TXNIP: variants seen among roughly 807,000 people sequenced by gnomAD.
TXNIP encodes thioredoxin-interacting protein.
Under a neutral mutation model 43.9 loss-of-function variants are expected in TXNIP, and 23 were observed. The observed-to-expected ratio is 0.52, with a 90% CI of 0.38 to 0.74. TXNIP has a LOEUF of 0.74. Ranked by LOEUF, TXNIP falls within the 30% of genes least tolerant of loss-of-function variation. The pLI is 0.00. For missense variants in TXNIP, 555 were observed against 485.4 expected (o/e 1.14, Z -1.35); for synonymous variants, 234 against 172.2 (o/e 1.36, Z -2.81).
In TXNIP at chr1:145,996,080, A is replaced by G. The variant is rs1327811084; in HGVS notation, c.187T>C (p.Cys63Arg). 1.9e-6 allele frequency: 3 copies of G among 1,613,960 alleles called. No individual in the cohort carries two copies. The highest frequency in any genetic ancestry group is 1.3e-5 in the African/African-American group (1 of 74,872). ...CGCAGGTACTCCGAAGTCTGTTTGC[A>G]CTGCTGGGATCCCTGCATCCAAAGC... The part of the protein sequence containing the change: ...KVLWMQGSQQ[C>R]KQTSEYLRYE... Residue 63 changes from cysteine to arginine, a missense_variant, in exon 1 of 8, where the codon TGC becomes CGC. Coordinates refer to ENST00000582401, the MANE Select transcript of TXNIP (RefSeq NM_006472.6).
Position 145,995,259 on chromosome 1 carries a change from C to G in TXNIP, c.356G>C (p.Gly119Ala), listed in dbSNP as rs1474207349. ...AGCCTTCACCCAGTAGTCTACACAC[C>G]CATATTTTCCTTTGAAGGATGTTCC... ...PLGTSFKGKYGCVDYWVKAFL... is the reference protein window; with the variant it reads ...PLGTSFKGKYACVDYWVKAFL... Residue 119 changes from glycine to alanine, a missense_variant, in exon 3 of 8, where the codon GGG (glycine) becomes GCG (alanine). Physicochemically the swap from Gly to Ala is moderately conservative, Grantham distance 60. Coordinates refer to ENST00000582401, the MANE Select transcript of TXNIP (RefSeq NM_006472.6). 1 of 1,614,066 alleles carries G rather than the reference C, an allele frequency of 6.2e-7. No homozygotes were observed. Among genetic ancestry groups the G allele is most frequent in the African/African-American group, 1.3e-5 (1 of 75,000 alleles).
intron 1 of TXNIP, 161 bp from the exon 2 acceptor site, chr1:145,995,637 A>C (rs1008746387): frequency 5.1e-5 from 37 of 721,466 alleles, no homozygotes; most frequent in South Asian, 4.7e-4. Context: ...CTTAAAGAGA[A>C]ATTCTGATGT....
Position 145,993,906 on chromosome 1 carries a change from A to C in TXNIP, c.1141-20T>G. ...ATCCACCTAAAGAAAGAAACAGACT[A>C]TTTCAGTTCAGGTAAGAACAAAAAG... is the stretch of plus-strand genomic sequence containing the variant. On this transcript the variant is annotated intron_variant, in intron 7 of 7. Coordinates refer to ENST00000582401, the MANE Select transcript of TXNIP (RefSeq NM_006472.6). 1.2e-6 allele frequency: 2 copies of C among 1,614,208 alleles called. No individual in the cohort carries two copies. The highest frequency in any genetic ancestry group is 2.2e-5 in the South Asian group (2 of 91,088).
At position 145,995,830 on chromosome 1, in the gene TXNIP, G is replaced by A. The variant is rs1036271390; in HGVS notation, c.250+187C>T. ...TTAGGACACAGCACCATAAAAAATT[G>A]TACAAATCACCCTTTTTTTTGGGGG... On this transcript the variant is annotated intron_variant, in intron 1 of 7. Coordinates refer to ENST00000582401, the MANE Select transcript of TXNIP (RefSeq NM_006472.6). The A allele has an allele frequency of 7.7e-6, 6 of 776,198 alleles. No individual in the cohort carries two copies. The Admixed American group carries it at 1.5e-4, about 19-fold the overall frequency. 48.1% of individuals were successfully genotyped at this position (776,198 alleles called of 1,614,324 possible). A position where few individuals can be genotyped will look rare whatever the true frequency, so the allele number is the denominator to read the frequency against.
Position 145,993,746 on chromosome 1 carries a change from C to T in TXNIP, c.*105G>A. The T allele has an allele frequency of 7.4e-7, 1 of 1,359,398 alleles. No individual in the cohort carries two copies. Among genetic ancestry groups the T allele is most frequent in the South Asian group, 1.3e-5 (1 of 79,848 alleles). 84.2% of individuals were successfully genotyped at this position (1,359,398 alleles called of 1,614,324 possible). On this transcript the variant is annotated 3_prime_UTR_variant, in exon 8 of 8. Coordinates refer to ENST00000582401, the MANE Select transcript of TXNIP (RefSeq NM_006472.6). Reference sequence around the variant, plus strand: ...TTAGGAAGTCAGAGGCTAAGGTGGACCCACACTCCATTGCAGAGACTGTTG... The same window carrying T: ...TTAGGAAGTCAGAGGCTAAGGTGGATCCACACTCCATTGCAGAGACTGTTG...
In TXNIP at chr1:145,994,300, G is replaced by A. The variant is rs782748017; in HGVS notation, c.969C>T (p.Asn323=). Residue 323 remains asparagine (N), a synonymous_variant, in exon 6 of 8, where the codon AAC becomes AAT. Coordinates refer to ENST00000582401, the MANE Select transcript of TXNIP (RefSeq NM_006472.6). ...TSSEMSWVDL[N]IPDTPEAPPC... ...GCTCACCTTCTGGGGTATCAGGGAT[G>A]TTCAGATCTACCCAACTCATCTCAG... The A allele has an allele frequency of 3.7e-6, 6 of 1,614,138 alleles. No individual in the cohort carries two copies. The East Asian group carries it at 8.9e-5, about 24-fold the overall frequency.
In TXNIP at chr1:145,994,040, G is replaced by A. The variant is rs1373682036; in HGVS notation, c.1116C>T (p.Phe372=). 3.1e-6 allele frequency: 5 copies of A among 1,614,046 alleles called. No individual in the cohort carries two copies. Among genetic ancestry groups the A allele is most frequent in the African/African-American group, 2.7e-5 (2 of 74,920 alleles). The change falls in exon 7 of 8, where the codon TTC becomes TTT. Residue 372 remains phenylalanine, a synonymous_variant. Coordinates refer to ENST00000582401, the MANE Select transcript of TXNIP (RefSeq NM_006472.6). ...CCTCAGTATAAGTCGGTGGTGGCAT[G>A]AACTTGAACTCAGGGGCATACATAA... ...PIFMYAPEFK[F]MPPPTYTEVD...
rs1381950911 is a variant in TXNIP at position 145,996,065 on chromosome 1, C to G, written c.202G>C (p.Glu68Gln). The change falls in exon 1 of 8, where the codon GAG becomes CAG. Residue 68 changes from glutamate (E) to glutamine (Q), a missense_variant. Physicochemically the swap from Glu to Gln is conservative, Grantham distance 29. Coordinates refer to ENST00000582401, the MANE Select transcript of TXNIP (RefSeq NM_006472.6). ...AGCGTGTCTTCATAGCGCAGGTACTCCGAAGTCTGTTTGCACTGCTGGGAT... is the reference window on the plus strand; with the variant it reads ...AGCGTGTCTTCATAGCGCAGGTACTGCGAAGTCTGTTTGCACTGCTGGGAT... ...QGSQQCKQTS[E>Q]YLRYEDTLLL... 6.2e-7 allele frequency: 1 copy of G among 1,613,970 alleles called. No homozygotes were observed. Among genetic ancestry groups the G allele is most frequent in the African/African-American group, 1.3e-5 (1 of 74,884 alleles).
chr1:145,993,767 T>C lies in TXNIP; in HGVS notation c.*84A>G, dbSNP rs1651295686. On this transcript the variant is annotated 3_prime_UTR_variant, in exon 8 of 8. Coordinates refer to ENST00000582401, the MANE Select transcript of TXNIP (RefSeq NM_006472.6). Reference sequence around the variant, plus strand: ...TGGACCCACACTCCATTGCAGAGACTGTTGAGTCTCTGAAAAAGTGAGTGT... The same window carrying C: ...TGGACCCACACTCCATTGCAGAGACCGTTGAGTCTCTGAAAAAGTGAGTGT... 1.3e-6 allele frequency: 2 copies of C among 1,521,844 alleles called. No homozygotes were observed. Among genetic ancestry groups the C allele is most frequent in the Non-Finnish European group, 9.0e-7 (1 of 1,105,474 alleles). 94.3% of individuals were successfully genotyped at this position (1,521,844 alleles called of 1,614,324 possible).
chr1:145,994,994 C>T lies in TXNIP; in HGVS notation c.509G>A (p.Cys170Tyr), dbSNP rs1264522069. The T allele has an allele frequency of 6.2e-7, 1 of 1,614,168 alleles. No individual in the cohort carries two copies. Among genetic ancestry groups the T allele is most frequent in the Admixed American group, 1.7e-5 (1 of 60,024 alleles). ...VSAKKEKKVSCMFIPDGRVSV... is the reference protein window; with the variant it reads ...VSAKKEKKVSYMFIPDGRVSV... ...CACCCGCCCATCAGGAATGAACATG[C>T]AGGAAACTTTCTTTTCTTTTTTAGC... The change falls in exon 4 of 8, where the codon TGC becomes TAC. Residue 170 changes from cysteine to tyrosine, a missense_variant. Transcript: ENST00000582401.
In TXNIP at chr1:145,996,219, G is replaced by A. The variant is rs1553766614; in HGVS notation, c.48C>T (p.Asp16=). The A allele has an allele frequency of 6.2e-7, 1 of 1,613,866 alleles. No homozygotes were observed. The highest frequency in any genetic ancestry group is 8.5e-7 in the Non-Finnish European group (1 of 1,180,014). ...KIKSFEVVFN[D]PEKVYGSGEK... ...CGCCACTGCCGTACACCTTTTCAGG[G>A]TCGTTAAAGACCACCTCAAAAGACT... The change falls in exon 1 of 8, where the codon GAC becomes GAT. Residue 16 remains aspartate, a synonymous_variant. Transcript: ENST00000582401.
At position 145,992,493 on chromosome 1, in the gene TXNIP, G is replaced by C. The variant is rs1651191167; in HGVS notation, c.*1358C>G. On this transcript the variant is annotated 3_prime_UTR_variant, in exon 8 of 8. Transcript: ENST00000582401. Reference sequence around the variant, plus strand: ...TTTTTACAAAGAATATCCCCATCTGGGGTAAAAATATATCTGGTTAAGTAC... The same window carrying C: ...TTTTTACAAAGAATATCCCCATCTGCGGTAAAAATATATCTGGTTAAGTAC... 2 of 152,304 alleles carry C rather than the reference G, an allele frequency of 1.3e-5. No individual in the cohort carries two copies. The allele number at this position is 152,304 out of a possible 1,614,324, so 9.4% of individuals were successfully genotyped here. A position where few individuals can be genotyped will look rare whatever the true frequency, so the allele number is the denominator to read the frequency against.
rs1200297110 is a variant in TXNIP, at chr1:145,993,365, A to G, written c.*486T>C. ...GCACAAAGGGGAAACACTGATTTTAAGAACCTCCTTTTCCCAAAGTTTTGG... is the reference window on the plus strand; with the variant it reads ...GCACAAAGGGGAAACACTGATTTTAGGAACCTCCTTTTCCCAAAGTTTTGG... On this transcript the variant is annotated 3_prime_UTR_variant, in exon 8 of 8. Transcript: ENST00000582401. 1 of 155,538 alleles carries G rather than the reference A, an allele frequency of 6.4e-6. No individual in the cohort carries two copies. Among genetic ancestry groups the G allele is most frequent in the African/African-American group, 2.4e-5 (1 of 41,462 alleles). The allele number at this position is 155,538 out of a possible 1,614,324, so 9.6% of individuals were successfully genotyped here.
chr1:145,994,204 C>CA, intron 6 of TXNIP, 37 bp from the exon 7 acceptor site: 1 of 1,613,144 alleles, frequency 6.2e-7, no homozygotes, highest in Non-Finnish European at 8.5e-7. Flanking sequence ...GAATCCTGCC[C>CA]AAGAAATGCT....
In TXNIP at chr1:145,994,747, C is replaced by T. The variant is rs895916805; in HGVS notation, c.628G>A (p.Val210Ile). 1.2e-6 allele frequency: 2 copies of T among 1,614,108 alleles called. No individual in the cohort carries two copies. The highest frequency in any genetic ancestry group is 1.7e-6 in the Non-Finnish European group (2 of 1,180,018). ...DFENTCSRIV[V>I]PKAAIVARHT... The stretch of plus-strand genomic sequence containing the variant: ...CGGGCCACAATGGCAGCTTTGGGGA[C>T]CACAATTCGGGAACATGTATTCTCA... Residue 210 changes from valine (V) to isoleucine (I), a missense_variant, in exon 5 of 8, where the codon GTC becomes ATC. Transcript: ENST00000582401.
At position 145,995,271 on chromosome 1, in the gene TXNIP, T is replaced by C; in HGVS notation, c.344A>G (p.Lys115Arg). The change falls in exon 3 of 8, where the codon AAA becomes AGA. Residue 115 changes from lysine to arginine, a missense_variant. Transcript: ENST00000582401. ...GTAGTCTACACACCCATATTTTCCTTTGAAGGATGTTCCCAGAGGCCTGTG... is the reference window on the plus strand; with the variant it reads ...GTAGTCTACACACCCATATTTTCCTCTGAAGGATGTTCCCAGAGGCCTGTG... ...LPQGPLGTSFKGKYGCVDYWV... is the reference protein window; with the variant it reads ...LPQGPLGTSFRGKYGCVDYWV... 3 of 1,614,052 alleles carry C rather than the reference T, an allele frequency of 1.9e-6. No homozygotes were observed. The highest frequency in any genetic ancestry group is 2.2e-5 in the East Asian group (1 of 44,890).
At position 145,994,788 on chromosome 1, in the gene TXNIP, G is replaced by T; in HGVS notation, c.587C>A (p.Ser196Tyr). 2 of 1,614,190 alleles carry T rather than the reference G, an allele frequency of 1.2e-6. No individual in the cohort carries two copies. Among genetic ancestry groups the T allele is most frequent in the Non-Finnish European group, 1.7e-6 (2 of 1,180,034 alleles). The change falls in exon 5 of 8, where the codon TCC (serine) becomes TAC (tyrosine). Residue 196 changes from serine (S) to tyrosine (Y), a missense_variant. Ser to Tyr is a moderately radical substitution (Grantham distance 144). Transcript: ENST00000582401. ...RKGFCEGDEI[S>Y]IHADFENTCS... ...TGTATTCTCAAAGTCAGCATGGATG[G>T]AAATCTCATCACCTAGCAATGAGAA... is the stretch of plus-strand genomic sequence containing the variant.
Position 145,996,126 on chromosome 1 carries a change from C to T in TXNIP, c.141G>A (p.Leu47=). The change falls in exon 1 of 8, where the codon CTG becomes CTA. Residue 47 remains leucine, a synonymous_variant. Transcript: ENST00000582401. ...EVTRVKAVRI[L]ACGVAKVLWM... is the part of the protein sequence containing the mutation. Reference sequence around the variant, plus strand: ...AAAGCACTTTAGCCACTCCGCAAGCCAGGATCCTAACGGCTTTGACACGAG... The same window carrying T: ...AAAGCACTTTAGCCACTCCGCAAGCTAGGATCCTAACGGCTTTGACACGAG... The T allele has an allele frequency of 6.2e-7, 1 of 1,614,078 alleles. No individual in the cohort carries two copies. Among genetic ancestry groups the T allele is most frequent in the Non-Finnish European group, 8.5e-7 (1 of 1,180,012 alleles).
intron 1 of TXNIP, 158 bp downstream of exon 1, chr1:145,995,859 A>G: frequency 5.7e-6 from 5 of 877,334 alleles, no homozygotes; most frequent in Non-Finnish European, 8.5e-6. Flanking sequence ...TTGGGGGGGG[A>G]GGAGAATGTC....
Sources: gnomAD v4.1 joint callset for allele counts on GRCh38, gnomAD v4.1.1 for gene constraint, MANE v1.5 for transcripts, NCBI Gene and HGNC (gene_info 2026-07-23, HGNC 2026-07-21) for gene names.